The following RWDD4 variants were observed in gnomAD, a reference collection of about 807,000 sequenced individuals.
RWDD4 encodes the protein RWD domain-containing protein 4.
In RWDD4, 16 loss-of-function variants were observed where a neutral mutation model predicts 30.0. That is an observed-to-expected ratio of 0.53 (90% confidence interval 0.36 to 0.81). RWDD4 has a LOEUF of 0.81. Among genes scored for constraint, RWDD4 ranks in the 30% least tolerant of loss-of-function variants. RWDD4 has a pLI of 0.00. For synonymous variants in RWDD4, 45 were observed against 72.1 expected (o/e 0.62, Z 1.90); for missense variants, 170 against 223.9 (o/e 0.76, Z 1.54).
chr4:183,642,185 ATTT>A (rs1009902870), intron 7 of RWDD4, among the ~76,000 whole-genome samples: 13 of 97,114 alleles, frequency 1.3e-4, no homozygotes, highest in East Asian at 2.8e-4. Context: ...CATTCTTAAA[ATTT>A]TTTTTTTTTT....
rs541836056 is a variant in RWDD4 at position 183,650,751 on chromosome 4, T to C, written c.363+233A>G. 4.8e-4 allele frequency among the ~76,000 whole-genome samples: 66 copies of C among 138,502 alleles called. No homozygotes were observed. In the East Asian group the frequency reaches 0.014, roughly 29 times the overall value. 90.9% of individuals were successfully genotyped at this position (138,502 alleles called of 152,430 possible). The stretch of plus-strand genomic sequence containing the variant: ...TATGATATCTCAGTTTTGGTGGGCA[T>C]GTTATATATATTCTAGTCTTTGATA... On this transcript the variant is annotated intron_variant, in intron 4 of 7. Transcript: ENST00000326397.
At chr4:183,648,999 C>T (rs1439305575) in intron 5 of RWDD4, among the ~76,000 whole-genome samples, 1 of 151,880 alleles carries the variant, frequency 6.6e-6, no homozygotes, top group Non-Finnish European at 1.5e-5. Context: ...CATATGTGAC[C>T]CAAAAGGTCA....
intron 7 of RWDD4, among the ~76,000 whole-genome samples, chr4:183,644,886 C>CA (rs1268306367): frequency 1.3e-5 from 2 of 152,094 alleles, no homozygotes; most frequent in Non-Finnish European, 2.9e-5. Context: ...CACTTGAGCC[C>CA]AGGAGTTCGG....
At position 183,641,519 on chromosome 4, in the gene RWDD4, C is replaced by T. The variant is rs777917482; in HGVS notation, c.535-51G>A. ...CAACAAGTGGTATTTTCTGAGTTCACTATTTCCATGGAGTATCAAAATTAA... is the reference window on the plus strand; with the variant it reads ...CAACAAGTGGTATTTTCTGAGTTCATTATTTCCATGGAGTATCAAAATTAA... On this transcript the variant is annotated intron_variant, in intron 7 of 7. Transcript: ENST00000326397. 1.5e-5 allele frequency: 21 copies of T among 1,398,352 alleles called. No homozygotes were observed. In the South Asian group the frequency reaches 2.0e-4, roughly 13 times the overall value. The allele number at this position is 1,398,352 out of a possible 1,614,324, so 86.6% of individuals were successfully genotyped here. A position where few individuals can be genotyped will look rare whatever the true frequency, so the allele number is the denominator to read the frequency against.
chr4:183,653,228 T>G (rs1734120015), intron 2 of RWDD4, among the ~76,000 whole-genome samples: 1 of 152,186 alleles, frequency 6.6e-6, no homozygotes, highest in East Asian at 1.9e-4. Flanking sequence ...ATGGTTTAGG[T>G]GATCTTCTCC....
chr4:183,655,776 G>A (rs557831173), intron 2 of RWDD4, 105 bp downstream of exon 2: 5 of 663,674 alleles, frequency 7.5e-6, no homozygotes, highest in East Asian at 2.5e-5. Flanking sequence ...AGAAAATACA[G>A]ACATAATAAA....
chr4:183,656,025 T>C lies in RWDD4; in HGVS notation c.25-64A>G, dbSNP rs1734186818. ...AAATGAATTAGAAATAGAGGGTCTT[T>C]ACTTTCTCATTCAAGCCCACTCAAC... On this transcript the variant is annotated intron_variant, in intron 1 of 7. Coordinates refer to ENST00000326397, the MANE Select transcript of RWDD4 (RefSeq NM_152682.4). 5 of 1,068,820 alleles carry C rather than the reference T, an allele frequency of 4.7e-6. No individual in the cohort carries two copies. The Admixed American group carries it at 7.7e-5, about 16-fold the overall frequency. 66.2% of individuals were successfully genotyped at this position (1,068,820 alleles called of 1,614,324 possible).
chr4:183,653,287 C>T (rs1734120945), intron 2 of RWDD4, among the ~76,000 whole-genome samples: 1 of 151,786 alleles, frequency 6.6e-6, no homozygotes. Context: ...GGAATAATCT[C>T]GCTGGGTGAG....
rs750718135 is a variant in RWDD4 at position 183,651,211 on chromosome 4, T to C, written c.215+7A>G. 1 of 1,613,168 alleles carries C rather than the reference T, an allele frequency of 6.2e-7. No individual in the cohort carries two copies. Among genetic ancestry groups the C allele is most frequent in the South Asian group, 1.1e-5 (1 of 91,032 alleles). On this transcript the variant is annotated splice_region_variant and intron_variant, in intron 3 of 7. Coordinates refer to ENST00000326397, the MANE Select transcript of RWDD4 (RefSeq NM_152682.4). ...ATGAAAAGCAGTAAAAACAAGACAC[T>C]ACTCACATGGTGTTGTTAAAAAAAG... is the stretch of plus-strand genomic sequence containing the variant.
intron 7 of RWDD4, 94 bp downstream of exon 7, chr4:183,646,257 T>A: frequency 1.4e-6 from 1 of 732,842 alleles, no homozygotes; most frequent in Non-Finnish European, 2.5e-6. Context: ...TAGTTTTAAC[T>A]TCTGCAAATT....
In RWDD4 at chr4:183,651,128, T is replaced by C. The variant is rs1482401711; in HGVS notation, c.219A>G (p.Ser73=). The C allele has an allele frequency of 1.2e-6, 2 of 1,614,008 alleles. No homozygotes were observed. Among genetic ancestry groups the C allele is most frequent in the Non-Finnish European group, 8.5e-7 (1 of 1,180,016 alleles). Residue 73 remains serine, a synonymous_variant, in exon 4 of 8, where the codon TCA becomes TCG. Transcript: ENST00000326397. ...CTAATATACTCTGCTTTACAGCTGA[T>C]GATCTACAATGCACAACAAAAATAC... is the stretch of plus-strand genomic sequence containing the variant. The part of the protein sequence containing the change: ...SMNAFFNNTI[S]SAVKQSILAK...
At chr4:183,648,816 T>C (rs1734017112) in intron 5 of RWDD4, among the ~76,000 whole-genome samples, 1 of 152,152 alleles carries the variant, frequency 6.6e-6, no homozygotes, top group Admixed American at 6.6e-5. Context: ...AATGGTGACC[T>C]CTTGTGATGA....
chr4:183,655,761 G>T, intron 2 of RWDD4, 120 bp downstream of exon 2: 1 of 609,860 alleles, frequency 1.6e-6, no homozygotes, highest in Non-Finnish European at 2.9e-6. Context: ...CCATTTAAAT[G>T]CTACAGAAAA....
rs1387606476 is a variant in RWDD4 at position 183,642,243 on chromosome 4, G to A, written c.535-775C>T. Among the ~76,000 whole-genome samples the A allele has an allele frequency of 1.5e-3, 114 of 76,420 alleles. 16 individuals carry two copies. The highest frequency in any genetic ancestry group is 2.3e-4 in the Non-Finnish European group (10 of 43,716). 50.1% of individuals were successfully genotyped at this position (76,420 alleles called of 152,430 possible). On this transcript the variant is annotated intron_variant, in intron 7 of 7. Coordinates refer to ENST00000326397, the MANE Select transcript of RWDD4 (RefSeq NM_152682.4). Reference sequence around the variant, plus strand: ...CTCGCTCTGTCGCCCAGGCTGGAGTGCAGTGGCGCGATCTCGGCTCACTGC... The same window carrying A: ...CTCGCTCTGTCGCCCAGGCTGGAGTACAGTGGCGCGATCTCGGCTCACTGC...
intron 2 of RWDD4, among the ~76,000 whole-genome samples, chr4:183,652,834 C>T (rs1208001373): frequency 6.6e-6 from 1 of 151,674 alleles, no homozygotes; most frequent in Non-Finnish European, 1.5e-5. Context: ...GAAAGAAATC[C>T]TCCCACCTCA....
chr4:183,649,201 G>A (rs1009380433), intron 5 of RWDD4, among the ~76,000 whole-genome samples: 1 of 152,136 alleles, frequency 6.6e-6, no homozygotes, highest in Non-Finnish European at 1.5e-5. Flanking sequence ...ATCACCTGAG[G>A]TCAGGAGTTC....
chr4:183,651,510 G>C (rs1734076439), intron 2 of RWDD4, among the ~76,000 whole-genome samples, 183 bp from the exon 3 acceptor site: 1 of 152,192 alleles, frequency 6.6e-6, no homozygotes, highest in East Asian at 1.9e-4. Flanking sequence ...AGGACAGTCT[G>C]ACTTTAATTT....
intron 2 of RWDD4, among the ~76,000 whole-genome samples, chr4:183,652,494 G>A (rs559501426): frequency 1.6e-5 from 2 of 125,514 alleles, no homozygotes; most frequent in Non-Finnish European, 3.3e-5. Context: ...AGAGTCTGTG[G>A]CAAAAGTAAA....
At chr4:183,653,659 G>C (rs552642780) in intron 2 of RWDD4, 1 of 152,222 alleles carries the variant, frequency 6.6e-6, no homozygotes, top group South Asian at 2.1e-4. Flanking sequence ...AATAAATGTA[G>C]GGATCTACTG....
Sources: gnomAD v4.1 joint callset for allele counts (sites outside exome capture counted in the v4.1 genomes callset) on GRCh38, gnomAD v4.1.1 for gene constraint, MANE v1.5 for transcripts, NCBI Gene and HGNC (gene_info 2026-07-23, HGNC 2026-07-21) for gene names.